SECISBP2: variants seen among roughly 807,000 people sequenced by gnomAD.
SECISBP2 encodes the protein selenocysteine insertion sequence-binding protein 2.
A neutral mutation model predicts 98.2 loss-of-function variants in SECISBP2; 96 were observed. That is an observed-to-expected ratio of 0.98 (90% confidence interval 0.83 to 1.16). SECISBP2 has a LOEUF of 1.16. Among genes scored for constraint, SECISBP2 ranks in the 50% most tolerant of loss-of-function variants. The probability of loss-of-function intolerance (pLI) is 0.00; values close to 1 mark genes in which losing one functional copy is unlikely to be tolerated. For synonymous variants in SECISBP2, 407 were observed against 370.2 expected (o/e 1.10, Z -1.14); for missense variants, 1,046 against 1,022.9 (o/e 1.02, Z -0.31).
chr9:89,318,540 T>C lies in SECISBP2; in HGVS notation c.-37T>C. The stretch of plus-strand genomic sequence containing the variant: ...GTCCGGCAAGCCGACGGCCCGCTGC[T>C]GGCCTCCGTGACGCGGCCTCCTCCG... On this transcript the variant is annotated 5_prime_UTR_variant, in exon 1 of 17. Coordinates refer to ENST00000375807, the MANE Select transcript of SECISBP2 (RefSeq NM_024077.5). 1 of 1,511,578 alleles carries C rather than the reference T, an allele frequency of 6.6e-7. No homozygotes were observed. The highest frequency in any genetic ancestry group is 8.8e-7 in the Non-Finnish European group (1 of 1,135,404). The allele number at this position is 1,511,578 out of a possible 1,614,324, so 93.6% of individuals were successfully genotyped here.
chr9:89,342,439 C>A (rs1478446550), intron 10 of SECISBP2, among the ~76,000 whole-genome samples: 1 of 152,172 alleles, frequency 6.6e-6, no homozygotes, highest in Non-Finnish European at 1.5e-5. Flanking sequence ...TCAGCATTTA[C>A]CCAAAAGAAG....
At chr9:89,362,290 G>A, downstream of SECISBP2, 1 of 1,591,336 alleles carries the variant, frequency 6.3e-7, no homozygotes, top group Non-Finnish European at 8.6e-7. Context: ...GCAGGCTTGG[G>A]CAAGACAGTT....
chr9:89,354,902 T>G (rs1831835620), intron 14 of SECISBP2: 1 of 985,344 alleles, frequency 1.0e-6, no homozygotes, highest in African/African-American at 1.7e-5. Context: ...TAGATTTCAC[T>G]GTAAGTATAC....
intron 12 of SECISBP2, 113 bp from the exon 13 acceptor site, chr9:89,349,663 G>C (rs1830965295): frequency 9.1e-7 from 1 of 1,094,804 alleles, no homozygotes; most frequent in South Asian, 1.3e-5. Context: ...GTCTGTGAAT[G>C]TGGTGGTTGT....
At chr9:89,318,661 C>T (rs1199675221) in intron 1 of SECISBP2, 49 bp downstream of exon 1, 30 of 1,374,098 alleles carry the variant, frequency 2.2e-5, no homozygotes, top group East Asian at 3.1e-5. Flanking sequence ...GTCCGCCTGC[C>T]TCGCACTGGG....
chr9:89,362,044 C>T (rs1832800168), downstream of SECISBP2: 1 of 432,086 alleles, frequency 2.3e-6, no homozygotes, highest in Admixed American at 3.5e-5. Context: ...GCCTTCAGAG[C>T]CTGCTGCCTG....
chr9:89,324,359 T>C (rs769195043), intron 2 of SECISBP2: 1 of 152,222 alleles, frequency 6.6e-6, no homozygotes, highest in Non-Finnish European at 1.5e-5. Context: ...TAAAGTTACT[T>C]ACCTGTAAGT....
Position 89,359,338 on chromosome 9 carries a change from G to T in SECISBP2, c.*514G>T, listed in dbSNP as rs1400322004. ...CTACAGGGAAAGGGCCCTTTCTCAG[G>T]GGATGTAGCTTTTTTAAAAGATTTG... On this transcript the variant is annotated 3_prime_UTR_variant, in exon 17 of 17. Coordinates refer to ENST00000375807, the MANE Select transcript of SECISBP2 (RefSeq NM_024077.5). The T allele has an allele frequency of 6.4e-6, 1 of 156,672 alleles. No homozygotes were observed. 9.7% of individuals were successfully genotyped at this position (156,672 alleles called of 1,614,324 possible). A position where few individuals can be genotyped will look rare whatever the true frequency, so the allele number is the denominator to read the frequency against.
chr9:89,362,447 CTT>C (rs1564473664), downstream of SECISBP2: 6 of 1,613,974 alleles, frequency 3.7e-6, no homozygotes, highest in South Asian at 5.5e-5. Context: ...ACAATGTGGT[CTT>C]TGAATCCTTG....
Position 89,358,178 on chromosome 9 carries a change from AG to A in SECISBP2, c.2449del (p.Glu817SerfsTer22). The A allele has an allele frequency of 6.2e-7, 1 of 1,611,218 alleles. No individual in the cohort carries two copies. The highest frequency in any genetic ancestry group is 2.2e-5 in the East Asian group (1 of 44,662). On this transcript the variant is annotated frameshift_variant, in exon 16 of 17. Coordinates refer to ENST00000375807, the MANE Select transcript of SECISBP2 (RefSeq NM_024077.5). LOFTEE classifies it high-confidence loss of function. ...DGPPALKEKE[E>X]PHYIEIWKKH... is the part of the protein sequence containing the mutation. Reference sequence around the variant, plus strand: ...GCCCCCCAGCCCTGAAAGAAAAAGAAGAGCCACACTACAGTGAGTGCTTAAG... The same window carrying A: ...GCCCCCCAGCCCTGAAAGAAAAAGAAAGCCACACTACAGTGAGTGCTTAAG...
rs1825924840 is a variant in SECISBP2, at chr9:89,322,173, A to G, written c.182+2376A>G. On this transcript the variant is annotated intron_variant, in intron 2 of 16. Transcript: ENST00000375807. ...TAGTTTTGAAGTGATGGAGATGAAAATGAACATACCAGACTCTTCCATATT... is the reference window on the plus strand; with the variant it reads ...TAGTTTTGAAGTGATGGAGATGAAAGTGAACATACCAGACTCTTCCATATT... The G allele has an allele frequency of 2.0e-5, 3 of 152,284 alleles. No homozygotes were observed. The South Asian group carries it at 6.2e-4, about 31-fold the overall frequency. 9.4% of individuals were successfully genotyped at this position (152,284 alleles called of 1,614,324 possible).
Position 89,319,692 on chromosome 9 carries a change from G to C in SECISBP2, c.77G>C (p.Arg26Thr). 6.2e-7 allele frequency: 1 copy of C among 1,614,196 alleles called. No individual in the cohort carries two copies. The highest frequency in any genetic ancestry group is 8.5e-7 in the Non-Finnish European group (1 of 1,180,038). ...GCAGATGTCAAACCATTTGTCCCCA[G>C]ATTTGCCGGGCTCAATGTGGCATGG... The part of the protein sequence containing the change: ...LSADVKPFVP[R>T]FAGLNVAWLE... Residue 26 changes from arginine to threonine, a missense_variant, in exon 2 of 17, where the codon AGA (arginine) becomes ACA (threonine). Transcript: ENST00000375807.
chr9:89,334,868 G>T, intron 7 of SECISBP2, 138 bp downstream of exon 7: 1 of 714,160 alleles, frequency 1.4e-6, no homozygotes, highest in Non-Finnish European at 2.5e-6. Flanking sequence ...GGATGGTGAT[G>T]ATGGTTGCAC....
intron 14 of SECISBP2, among the ~76,000 whole-genome samples, chr9:89,351,302 T>A (rs963901543): frequency 6.6e-6 from 1 of 152,248 alleles, no homozygotes; most frequent in African/African-American, 2.4e-5. Context: ...GTCTAAATAC[T>A]TTGCCATTTT....
chr9:89,320,854 A>C (rs964502386), intron 2 of SECISBP2, among the ~76,000 whole-genome samples: 2 of 152,320 alleles, frequency 1.3e-5, no homozygotes, highest in Admixed American at 1.3e-4. Context: ...GTGTAGTTCT[A>C]ATCTAAGAAT....
intron 2 of SECISBP2, chr9:89,325,210 TC>T (rs1164122191): frequency 3.5e-6 from 2 of 565,092 alleles, no homozygotes; most frequent in Non-Finnish European, 6.3e-6. Flanking sequence ...CTTACGGACT[TC>T]CAGCTCATTA....
intron 7 of SECISBP2, among the ~76,000 whole-genome samples, chr9:89,335,141 G>A (rs577381787): frequency 2.6e-5 from 4 of 151,610 alleles, no homozygotes; most frequent in South Asian, 2.1e-4. Flanking sequence ...GCATGAACCC[G>A]GGAGGCGGAG....
At chr9:89,340,131 T>A (rs1210724891) in intron 9 of SECISBP2, among the ~76,000 whole-genome samples, 178 bp downstream of exon 9, 1 of 152,182 alleles carries the variant, frequency 6.6e-6, no homozygotes, top group Non-Finnish European at 1.5e-5. Context: ...TCTTAAATAA[T>A]AAGATTTTAT....
intron 10 of SECISBP2, among the ~76,000 whole-genome samples, chr9:89,345,262 C>G (rs933811088): frequency 1.3e-5 from 2 of 152,202 alleles, no homozygotes; most frequent in Non-Finnish European, 2.9e-5. Flanking sequence ...TGCTGCCATG[C>G]CTTCCCCATT....
Sources: allele counts gnomAD v4.1 joint callset (sites outside exome capture counted in the v4.1 genomes callset), GRCh38; gene constraint gnomAD v4.1.1; transcripts MANE v1.5; gene names NCBI Gene and HGNC (gene_info 2026-07-23, HGNC 2026-07-21).